KCTD16: variants seen among roughly 807,000 people sequenced by gnomAD.
KCTD16 encodes the protein potassium channel tetramerization domain containing 16.
Under a neutral mutation model 33.2 loss-of-function variants are expected in KCTD16, and 13 were observed. That is an observed-to-expected ratio of 0.39 (90% CI 0.25 to 0.62). KCTD16 has a LOEUF of 0.62. Ranked by LOEUF, KCTD16 falls within the 20% of genes least tolerant of loss-of-function variation. The pLI is 0.50. For synonymous variants in KCTD16, 197 were observed against 195.3 expected (o/e 1.01, Z -0.07); for missense variants, 441 against 525.1 (o/e 0.84, Z 1.57).
At chr5:144,209,826 A>AC (rs1753313333) in intron 3 of KCTD16, among the ~76,000 whole-genome samples, 1 of 146,746 alleles carries the variant, frequency 6.8e-6, no homozygotes, top group Non-Finnish European at 1.5e-5. Flanking sequence ...GTATATATAT[A>AC]AATATATATA....
chr5:144,387,458 G>C (rs964742294), intron 3 of KCTD16, among the ~76,000 whole-genome samples: 3 of 152,170 alleles, frequency 2.0e-5, no homozygotes, highest in Non-Finnish European at 4.4e-5. Context: ...CTAAGCCTGA[G>C]TTCCTTCCTC....
intron 3 of KCTD16, among the ~76,000 whole-genome samples, chr5:144,461,075 A>T (rs1754183273): frequency 6.6e-6 from 1 of 152,202 alleles, no homozygotes; most frequent in African/African-American, 2.4e-5. Context: ...CAAGATTAGC[A>T]CAAGAATAGA....
intron 3 of KCTD16, among the ~76,000 whole-genome samples, chr5:144,471,356 A>G (rs902882387): frequency 4.6e-5 from 7 of 152,124 alleles, no homozygotes; most frequent in African/African-American, 1.7e-4. Flanking sequence ...TGGCCAAAAT[A>G]TTTTGTAATC....
chr5:144,205,403 C>T, intron 2 of KCTD16: 2 of 397,882 alleles, frequency 5.0e-6, no homozygotes, highest in African/African-American at 2.1e-5. Flanking sequence ...CCGAACTGCA[C>T]TGGGAACTGT....
chr5:144,287,343 T>C (rs887563484), intron 3 of KCTD16, among the ~76,000 whole-genome samples: 1 of 95,894 alleles, frequency 1.0e-5, no homozygotes, highest in African/African-American at 3.0e-5. Context: ...AATGCTGCTG[T>C]GGATTTCAGA....
At chr5:144,368,079 CGTAA>C (rs923018043) in intron 3 of KCTD16, among the ~76,000 whole-genome samples, 8 of 151,914 alleles carry the variant, frequency 5.3e-5, no homozygotes, top group South Asian at 4.2e-4. Flanking sequence ...CAGCAGTCAG[CGTAA>C]GTAAGTTGCA....
intron 3 of KCTD16, among the ~76,000 whole-genome samples, chr5:144,231,135 A>T (rs1033582567): frequency 1.3e-5 from 2 of 152,054 alleles, no homozygotes; most frequent in African/African-American, 4.8e-5. Context: ...TTCTATTTTC[A>T]TTGCTAATTC....
At chr5:144,409,665 C>T (rs548491856) in intron 3 of KCTD16, among the ~76,000 whole-genome samples, 1 of 152,086 alleles carries the variant, frequency 6.6e-6, no homozygotes, top group East Asian at 1.9e-4. Flanking sequence ...CGAGACCAGC[C>T]TGGCCAACAT....
chr5:144,396,764 C>T (rs1452713040), intron 3 of KCTD16, among the ~76,000 whole-genome samples: 1 of 151,916 alleles, frequency 6.6e-6, no homozygotes, highest in African/African-American at 2.4e-5. Context: ...CAAAATAAGT[C>T]TCATGCTTAT....
intron 3 of KCTD16, among the ~76,000 whole-genome samples, chr5:144,414,143 AGTTCTGCTTCCCAATTTTCAAG>A (rs771691995): frequency 2.0e-5 from 3 of 152,168 alleles, no homozygotes; most frequent in Non-Finnish European, 4.4e-5. Context: ...AGAAAAACTT[AGTTCTGCTTCCCAATTTTCAAG>A]GTGTCAGTGG....
intron 3 of KCTD16, among the ~76,000 whole-genome samples, chr5:144,250,290 G>T (rs996464867): frequency 6.6e-6 from 1 of 152,048 alleles, no homozygotes; most frequent in Non-Finnish European, 1.5e-5. Context: ...CACAGAAGGG[G>T]ACCCACCACA....
chr5:144,215,522 C>T (rs1011159369), intron 3 of KCTD16, among the ~76,000 whole-genome samples: 2 of 152,170 alleles, frequency 1.3e-5, no homozygotes, highest in African/African-American at 4.8e-5. Flanking sequence ...TTTTGGTGCC[C>T]AGGCAGCTTG....
chr5:144,397,896 GA>G (rs1417584532), intron 3 of KCTD16, among the ~76,000 whole-genome samples: 1 of 152,202 alleles, frequency 6.6e-6, no homozygotes, highest in Non-Finnish European at 1.5e-5. Context: ...TGATGTTAGT[GA>G]GAAGAACATG....
chr5:144,194,903 A>G (rs1167289001), intron 2 of KCTD16, among the ~76,000 whole-genome samples: 1 of 152,194 alleles, frequency 6.6e-6, no homozygotes, highest in East Asian at 1.9e-4. Flanking sequence ...TGAATTTGTG[A>G]ATACTAGGTG....
intron 3 of KCTD16, among the ~76,000 whole-genome samples, chr5:144,415,776 TGCTA>T (rs1398225877): frequency 6.6e-6 from 1 of 152,206 alleles, no homozygotes; most frequent in African/African-American, 2.4e-5. Context: ...CTTGTACTAC[TGCTA>T]GCTATTAAAA....
At chr5:144,344,010 G>T (rs1752716006) in intron 3 of KCTD16, among the ~76,000 whole-genome samples, 1 of 152,074 alleles carries the variant, frequency 6.6e-6, no homozygotes, top group African/African-American at 2.4e-5. Flanking sequence ...CCAAAACAGA[G>T]ATATAGATCA....
intron 2 of KCTD16, among the ~76,000 whole-genome samples, chr5:144,185,666 A>G (rs1165098633): frequency 6.6e-6 from 1 of 152,162 alleles, no homozygotes; most frequent in African/African-American, 2.4e-5. Flanking sequence ...ATGCAGTATT[A>G]CTAGACACCC....
chr5:144,278,045 T>C (rs1755486178), intron 3 of KCTD16, among the ~76,000 whole-genome samples: 1 of 152,200 alleles, frequency 6.6e-6, no homozygotes, highest in Non-Finnish European at 1.5e-5. Context: ...CATTTATCAA[T>C]GTTTTCTTTT....
chr5:144,215,159 C>T (rs1025914556), intron 3 of KCTD16, among the ~76,000 whole-genome samples: 1 of 152,152 alleles, frequency 6.6e-6, no homozygotes, highest in African/African-American at 2.4e-5. Context: ...AGGTGCTCTA[C>T]TCTTCGCACC....
Sources: gnomAD v4.1 joint callset for allele counts (sites outside exome capture counted in the v4.1 genomes callset) on GRCh38, gnomAD v4.1.1 for gene constraint, MANE v1.5 for transcripts, NCBI Gene and HGNC (gene_info 2026-07-23, HGNC 2026-07-21) for gene names.